The following CAST variants were observed in gnomAD, a reference collection of about 807,000 sequenced individuals.
The protein encoded by CAST is MIR583 host.
A neutral mutation model predicts 119.6 loss-of-function variants in CAST; 76 were observed. The observed-to-expected ratio is 0.64, with a 90% CI of 0.53 to 0.77. The LOEUF (loss-of-function observed/expected upper bound fraction) is 0.77, where lower values mean the gene tolerates loss of function less well. CAST is among the 30% of genes least tolerant of loss of function. CAST has a pLI of 0.00. For missense variants in CAST, 953 were observed against 946.5 expected (o/e 1.01, Z -0.09); for synonymous variants, 319 against 331.6 (o/e 0.96, Z 0.41).
chr5:96,325,168 C>CGGAG, the CAST span, among the ~76,000 whole-genome samples: 2 of 152,080 alleles, frequency 1.3e-5, no homozygotes, highest in African/African-American at 2.4e-5. Flanking sequence ...CACACCACTC[C>CGGAG]ACTCCAGACT....
intron 3 of CAST, among the ~76,000 whole-genome samples, chr5:96,702,472 T>G (rs1414045708): frequency 6.6e-6 from 1 of 152,230 alleles, no homozygotes; most frequent in East Asian, 1.9e-4. Context: ...TTGTAGTCAT[T>G]ACTAATCCAC....
the CAST span, among the ~76,000 whole-genome samples, chr5:95,967,828 T>C: frequency 6.6e-6 from 1 of 152,210 alleles, no homozygotes; most frequent in Non-Finnish European, 1.5e-5. Flanking sequence ...GAGAACAGAC[T>C]AATACATAAA....
chr5:96,557,381 G>C (rs1746264688), intron 1 of CAST, among the ~76,000 whole-genome samples: 1 of 151,942 alleles, frequency 6.6e-6, no homozygotes, highest in African/African-American at 2.4e-5. Flanking sequence ...AATGTAAATG[G>C]GCTAAATGCT....
At chr5:96,621,969 C>CTTTTTTTTTTTTTTTTTTTTT (rs35728460) in intron 1 of CAST, among the ~76,000 whole-genome samples, 1 of 113,702 alleles carries the variant, frequency 8.8e-6, no homozygotes, top group African/African-American at 3.4e-5. Flanking sequence ...CTTTTTTTCT[C>CTTTTTTTTTTTTTTTTTTTTT]TTTTTTTTTT....
Position 96,722,643 on chromosome 5 carries a change from C to A in CAST, c.215C>A (p.Ser72Ter). 1.2e-6 allele frequency: 2 copies of A among 1,611,458 alleles called. No homozygotes were observed. The highest frequency in any genetic ancestry group is 8.5e-7 in the Non-Finnish European group (1 of 1,177,550). The change falls in exon 4 of 32, where the codon TCA (serine) becomes TAA (stop). Residue 72 changes from serine (S) to a stop codon, truncating the protein, a stop_gained. Transcript: ENST00000675179. LOFTEE classifies it high-confidence loss of function. Reference protein sequence around the residue: ...AGGTASATKVSASSGATSKSS... With the variant: ...AGGTASATKV Reference sequence around the variant, plus strand: ...ATTTCTTTCTTTCCTTTCTAGGTGTCAGCTTCCTCTGGTGCAACCAGCAAG... The same window carrying A: ...ATTTCTTTCTTTCCTTTCTAGGTGTAAGCTTCCTCTGGTGCAACCAGCAAG...
the CAST span, among the ~76,000 whole-genome samples, chr5:96,302,379 A>G: frequency 2.0e-5 from 3 of 152,096 alleles, no homozygotes; most frequent in South Asian, 2.1e-4. Context: ...CCCCATTGCA[A>G]TGGCTGTTAA....
chr5:96,330,105 A>G, the CAST span, among the ~76,000 whole-genome samples: 1 of 152,226 alleles, frequency 6.6e-6, no homozygotes, highest in Non-Finnish European at 1.5e-5. Context: ...CCTTGTCATT[A>G]CCCAAATGGT....
At chr5:96,666,734 A>G (rs1749385662) in intron 1 of CAST, among the ~76,000 whole-genome samples, 2 of 152,332 alleles carry the variant, frequency 1.3e-5, no homozygotes. Flanking sequence ...ATCTGATAAT[A>G]TCTTTCTTTA....
At chr5:96,208,166 G>A in the CAST span, among the ~76,000 whole-genome samples, 451 of 149,612 alleles carry the variant, frequency 3.0e-3, 4 homozygotes, top group African/African-American at 0.011. Context: ...CAGTGGTAAT[G>A]TCCCCTTTGT....
the CAST span, among the ~76,000 whole-genome samples, chr5:96,286,823 A>G: frequency 6.6e-6 from 1 of 152,120 alleles, no homozygotes; most frequent in Non-Finnish European, 1.5e-5. Context: ...ATTTTCTCTT[A>G]CTAGAGTGAT....
chr5:96,614,004 G>A (rs1381688958), intron 1 of CAST, among the ~76,000 whole-genome samples: 1 of 152,088 alleles, frequency 6.6e-6, no homozygotes, highest in African/African-American at 2.4e-5. Flanking sequence ...CTATGAGTTA[G>A]ATGTTTTATG....
At chr5:96,364,473 G>A in the CAST span, among the ~76,000 whole-genome samples, 1 of 152,118 alleles carries the variant, frequency 6.6e-6, no homozygotes, top group South Asian at 2.1e-4. Context: ...TTGGTTGGTA[G>A]GCTATTAATT....
In CAST at chr5:96,735,187, G is replaced by A. The variant is rs183586928; in HGVS notation, c.631-985G>A. 1.7e-3 allele frequency among the ~76,000 whole-genome samples: 266 copies of A among 152,332 alleles called. 2 individuals carry two copies. Among genetic ancestry groups the A allele is most frequent in the Non-Finnish European group, 3.0e-3 (203 of 68,024 alleles). On this transcript the variant is annotated intron_variant, in intron 9 of 31. Transcript: ENST00000675179. ...CAAGTACTTACATAGTGCTGAGCAT[G>A]TGCCAAACAATGGTTTTCATACTTC...
chr5:96,468,233 G>A, the CAST span, among the ~76,000 whole-genome samples: 1 of 152,014 alleles, frequency 6.6e-6, no homozygotes. Context: ...TCAGAAATGG[G>A]GAGTGTGGAG....
the CAST span, among the ~76,000 whole-genome samples, chr5:96,197,860 G>A: frequency 6.6e-6 from 1 of 152,142 alleles, no homozygotes; most frequent in African/African-American, 2.4e-5. Flanking sequence ...CTGGGCTCAA[G>A]TGATCCTCCC....
At chr5:96,199,196 C>A in the CAST span, among the ~76,000 whole-genome samples, 1 of 152,080 alleles carries the variant, frequency 6.6e-6, no homozygotes, top group Non-Finnish European at 1.5e-5. Flanking sequence ...TATGATTTCT[C>A]TCTCACAAGA....
At chr5:96,131,964 A>C in the CAST span, among the ~76,000 whole-genome samples, 5 of 152,152 alleles carry the variant, frequency 3.3e-5, no homozygotes, top group African/African-American at 1.2e-4. Context: ...ACCCAACTGG[A>C]TAAGTCTAGA....
upstream of CAST, among the ~76,000 whole-genome samples, chr5:96,659,964 C>A (rs1290697810): frequency 1.3e-5 from 2 of 152,102 alleles, no homozygotes; most frequent in African/African-American, 4.8e-5. Flanking sequence ...TACTCATAGT[C>A]ATTAATGCAT....
At chr5:96,684,760 G>T (rs1033220512) in intron 2 of CAST, among the ~76,000 whole-genome samples, 1 of 151,964 alleles carries the variant, frequency 6.6e-6, no homozygotes, top group East Asian at 1.9e-4. Context: ...AGTAGAGACA[G>T]GGTTTCGCCA....
Sources: gnomAD v4.1 joint callset for allele counts (sites outside exome capture counted in the v4.1 genomes callset) on GRCh38, gnomAD v4.1.1 for gene constraint, MANE v1.5 for transcripts, NCBI Gene and HGNC (gene_info 2026-07-23, HGNC 2026-07-21) for gene names.